NASP: variants seen among roughly 807,000 people sequenced by gnomAD.
NASP encodes nuclear autoantigenic sperm protein, also known as NASP histone chaperone.
Under a neutral mutation model 89.5 loss-of-function variants are expected in NASP, and 24 were observed. The ratio of observed to expected loss-of-function variants is 0.27; its 90% confidence interval spans 0.19 to 0.38. The LOEUF (loss-of-function observed/expected upper bound fraction) is 0.38, where lower values mean the gene tolerates loss of function less well. NASP is among the 10% of genes least tolerant of loss of function. The pLI is 1.00. For missense variants in NASP, 848 were observed against 921.4 expected (o/e 0.92, Z 1.03); for synonymous variants, 306 against 324.7 (o/e 0.94, Z 0.62).
intron 7 of NASP, among the ~76,000 whole-genome samples, chr1:45,613,849 C>T (rs1644058512): frequency 6.6e-6 from 1 of 151,972 alleles, no homozygotes; most frequent in South Asian, 2.1e-4. Flanking sequence ...TTTATTCATG[C>T]CTAGGATGGG....
At chr1:45,604,849 G>GA (rs1570980209) in intron 3 of NASP, 87 bp from the exon 4 acceptor site, 2 of 1,039,184 alleles carry the variant, frequency 1.9e-6, no homozygotes, top group Non-Finnish European at 2.9e-6. Context: ...TGTTACTGGA[G>GA]AAATATCAAT....
rs943312615 is a variant in NASP, at chr1:45,584,043, C to G, written c.-104C>G. 95 of 1,135,392 alleles carry G rather than the reference C, an allele frequency of 8.4e-5. 1 individual carries two copies. Among genetic ancestry groups the G allele is most frequent in the Non-Finnish European group, 2.5e-6 (2 of 786,668 alleles). 70.3% of individuals were successfully genotyped at this position (1,135,392 alleles called of 1,614,324 possible). A position where few individuals can be genotyped will look rare whatever the true frequency, so the allele number is the denominator to read the frequency against. Reference sequence around the variant, plus strand: ...AAAGGGCCCCGGCCGCGCGGGGTCTCTAATCTGCCATTTTCTGTCCCTGAG... The same window carrying G: ...AAAGGGCCCCGGCCGCGCGGGGTCTGTAATCTGCCATTTTCTGTCCCTGAG... On this transcript the variant is annotated 5_prime_UTR_variant, in exon 1 of 15. Transcript: ENST00000350030.
chr1:45,588,043 C>T (rs1351117821), intron 1 of NASP, among the ~76,000 whole-genome samples: 1 of 150,242 alleles, frequency 6.7e-6, no homozygotes, highest in African/African-American at 2.4e-5. Flanking sequence ...AGTTCGAGAC[C>T]AGCCTGGCTG....
intron 6 of NASP, chr1:45,610,468 G>A (rs1357477929): frequency 2.0e-5 from 3 of 152,104 alleles, no homozygotes; most frequent in Non-Finnish European, 4.4e-5. Context: ...TTCCCTTTAC[G>A]TGGCAGCACC....
chr1:45,615,078 G>T lies in NASP; in HGVS notation c.1732G>T (p.Ala578Ser). The T allele has an allele frequency of 6.2e-7, 1 of 1,614,168 alleles. No individual in the cohort carries two copies. Among genetic ancestry groups the T allele is most frequent in the East Asian group, 2.2e-5 (1 of 44,876 alleles). Residue 578 changes from alanine (A) to serine (S), a missense_variant, in exon 10 of 15, where the codon GCC becomes TCC. Physicochemically the swap from Ala to Ser is moderately conservative, Grantham distance 99. Transcript: ENST00000350030. ...TAACCTGCAGGAACAGTACCTGGAAGCCCACGACCGTCTCCTTGCAGAGAC... is the reference window on the plus strand; with the variant it reads ...TAACCTGCAGGAACAGTACCTGGAATCCCACGACCGTCTCCTTGCAGAGAC... ...CLNLQEQYLEAHDRLLAETHY... is the reference protein window; with the variant it reads ...CLNLQEQYLESHDRLLAETHY...
Position 45,615,289 on chromosome 1 carries a change from A to G in NASP, c.1856-16A>G, listed in dbSNP as rs41269119. The G allele has an allele frequency of 7.7e-3, 12,459 of 1,612,434 alleles. 62 individuals are homozygous for G. Among genetic ancestry groups the G allele is most frequent in the Non-Finnish European group, 9.3e-3 (10,974 of 1,179,270 alleles). ...GTTCTTTTTTGAGCCATTACTAATC[A>G]CTTTATTCTTTTTAGCTGTACTAAA... On this transcript the variant is annotated splice_polypyrimidine_tract_variant and intron_variant, in intron 10 of 14. Transcript: ENST00000350030.
intron 1 of NASP, chr1:45,589,009 TC>T (rs1643442597): frequency 6.3e-6 from 1 of 158,120 alleles, no homozygotes; most frequent in Non-Finnish European, 1.4e-5. Context: ...AATCCATTAA[TC>T]TATTCCCATT....
chr1:45,598,911 T>C (rs1264928484), intron 2 of NASP, among the ~76,000 whole-genome samples: 1 of 152,044 alleles, frequency 6.6e-6, no homozygotes, highest in Non-Finnish European at 1.5e-5. Context: ...ATAAAATTTC[T>C]ACATAGTCCA....
Position 45,601,013 on chromosome 1 carries a change from C to T in NASP, c.108-1242C>T, listed in dbSNP as rs148417401. On this transcript the variant is annotated intron_variant, in intron 2 of 14. Coordinates refer to ENST00000350030, the MANE Select transcript of NASP (RefSeq NM_002482.4). ...ACATGTTTGTTAAAATCTTTCGCCC[C>T]CTTTTTATTGGATTGTTTTTTATTA... 1.6e-4 allele frequency among the ~76,000 whole-genome samples: 25 copies of T among 152,158 alleles called. 2 individuals are homozygous for T. In the East Asian group the frequency reaches 4.2e-3, roughly 26 times the overall value.
intron 9 of NASP, 72 bp from the exon 10 acceptor site, chr1:45,614,941 T>C: frequency 7.7e-7 from 1 of 1,293,996 alleles, no homozygotes; most frequent in Non-Finnish European, 1.1e-6. Context: ...TCCCATAGGA[T>C]GGGTCTGAAT....
chr1:45,607,510 A>C lies in NASP; in HGVS notation c.599A>C (p.Asp200Ala), dbSNP rs1557661023. The change falls in exon 6 of 15, where the codon GAC becomes GCC. Residue 200 changes from aspartate to alanine, a missense_variant. Asp to Ala is a moderately radical substitution (Grantham distance 126). Transcript: ENST00000350030. ...KSAEEPQEKV[D>A]LTLDWLTETS... is the part of the protein sequence containing the mutation. ...GCAGAGGAGCCACAGGAAAAAGTTG[A>C]CTTGACTCTAGATTGGTTAACTGAA... The C allele has an allele frequency of 6.2e-7, 1 of 1,614,052 alleles. No homozygotes were observed. The highest frequency in any genetic ancestry group is 8.5e-7 in the Non-Finnish European group (1 of 1,179,994).
At chr1:45,610,565 G>C (rs945111200) in intron 6 of NASP, 4 of 152,072 alleles carry the variant, frequency 2.6e-5, no homozygotes, top group Non-Finnish European at 5.9e-5. Context: ...GCCATGTGTT[G>C]GGCTGTACAT....
chr1:45,594,014 G>A (rs921508241), intron 2 of NASP, among the ~76,000 whole-genome samples: 1 of 151,512 alleles, frequency 6.6e-6, no homozygotes, highest in African/African-American at 2.4e-5. Context: ...GGGTGACAGA[G>A]TGAGACCCTG....
chr1:45,617,833 T>A (rs1644133298), intron 14 of NASP, among the ~76,000 whole-genome samples: 1 of 152,246 alleles, frequency 6.6e-6, no homozygotes, highest in African/African-American at 2.4e-5. Context: ...AGGCACTTGA[T>A]GGGCAAAACC....
chr1:45,596,850 CAT>C (rs1230157673), intron 2 of NASP, among the ~76,000 whole-genome samples: 1 of 151,962 alleles, frequency 6.6e-6, no homozygotes, highest in African/African-American at 2.4e-5. Flanking sequence ...GGCATGGTGG[CAT>C]GTCCCTGTAA....
chr1:45,608,222 T>A lies in NASP; in HGVS notation c.1311T>A (p.Asp437Glu). ...TAGAAGAGTCTGAGGCAGCTGGAGA[T>A]GGGGTTGATACCAAGGTAGCCCAGG... ...LSVEESEAAG[D>E]GVDTKVAQGA... The change falls in exon 6 of 15, where the codon GAT becomes GAA. Residue 437 changes from aspartate (D) to glutamate (E), a missense_variant. Physicochemically the swap from Asp to Glu is conservative, Grantham distance 45. Transcript: ENST00000350030. The A allele has an allele frequency of 6.2e-7, 1 of 1,614,142 alleles. No individual in the cohort carries two copies.
At chr1:45,593,552 AAAAC>A in intron 2 of NASP, among the ~76,000 whole-genome samples, 1 of 151,662 alleles carries the variant, frequency 6.6e-6, no homozygotes, top group African/African-American at 2.4e-5. Context: ...AAAAAAAAAA[AAAAC>A]TCCGAGAACA....
chr1:45,586,591 TATTTTCATTTTC>T (rs896948347), intron 1 of NASP, among the ~76,000 whole-genome samples: 80 of 152,260 alleles, frequency 5.3e-4, no homozygotes, highest in Non-Finnish European at 5.9e-4. Flanking sequence ...GCCTGGCTAG[TATTTTCATTTTC>T]ATTTTCATTC....
intron 3 of NASP, among the ~76,000 whole-genome samples, chr1:45,602,872 C>T (rs182829363): frequency 1.3e-5 from 2 of 152,334 alleles, no homozygotes; most frequent in East Asian, 3.9e-4. Flanking sequence ...GATTCGTCCA[C>T]CTTGGCCTCC....
Sources: allele counts gnomAD v4.1 joint callset (sites outside exome capture counted in the v4.1 genomes callset), GRCh38; gene constraint gnomAD v4.1.1; transcripts MANE v1.5; gene names NCBI Gene and HGNC (gene_info 2026-07-23, HGNC 2026-07-21).